Variants in INTS6 observed in about 807,000 individuals in gnomAD.
INTS6 encodes integrator complex subunit 6.
INTS6 carries 16 observed loss-of-function variants against 104.9 expected under a neutral mutation model. The observed-to-expected ratio is 0.15, with a 90% CI of 0.10 to 0.23. The LOEUF (loss-of-function observed/expected upper bound fraction) is 0.23, where lower values mean the gene tolerates loss of function less well. Ranked by LOEUF, INTS6 falls within the 10% of genes least tolerant of loss-of-function variation. INTS6 has a pLI of 1.00. For synonymous variants in INTS6, 324 were observed against 358.7 expected, an observed-to-expected ratio of 0.90 and a Z score of 1.09; for missense variants, 584 against 1,062.8, an observed-to-expected ratio of 0.55 and a Z score of 6.26.
downstream of INTS6, among the ~76,000 whole-genome samples, chr13:51,359,883 C>T (rs1955536964): frequency 6.6e-6 from 1 of 151,872 alleles, no homozygotes; most frequent in Non-Finnish European, 1.5e-5. Context: ...TCTTAAAGAC[C>T]CTAGAGAAAA....
At chr13:51,342,840 G>A in the INTS6 span, among the ~76,000 whole-genome samples, 1 of 152,148 alleles carries the variant, frequency 6.6e-6, no homozygotes, top group African/African-American at 2.4e-5. Context: ...CTGATTATAA[G>A]TATGTTTTTA....
intron 5 of INTS6, among the ~76,000 whole-genome samples, chr13:51,391,913 C>T (rs1956251764): frequency 3.3e-5 from 5 of 152,156 alleles, no homozygotes; most frequent in East Asian, 1.9e-4. Context: ...ATCATCCTTG[C>T]ACCTCCCCTA....
chr13:51,376,235 A>C, intron 12 of INTS6, 61 bp from the exon 13 acceptor site: 1 of 1,361,012 alleles, frequency 7.3e-7, no homozygotes, highest in South Asian at 1.5e-5. Flanking sequence ...AGAGACTAAA[A>C]TCTCTAGCCT....
At position 51,410,892 on chromosome 13, in the gene INTS6, C is replaced by T. The variant is rs990893136; in HGVS notation, c.430-15409G>A. On this transcript the variant is annotated intron_variant, in intron 4 of 17. Coordinates refer to ENST00000311234, the MANE Select transcript of INTS6 (RefSeq NM_012141.3). ...AACAGCCAAGAGGTCAGGATGCTCACTTGACCAAAGAGATACAGATAGAAA... is the reference window on the plus strand; with the variant it reads ...AACAGCCAAGAGGTCAGGATGCTCATTTGACCAAAGAGATACAGATAGAAA... Among the ~76,000 whole-genome samples the T allele has an allele frequency of 4.6e-5, 7 of 152,098 alleles. No homozygotes were observed. In the East Asian group the frequency reaches 1.4e-3, roughly 29 times the overall value.
intron 5 of INTS6, among the ~76,000 whole-genome samples, chr13:51,390,314 CATT>C (rs1453304091): frequency 1.3e-5 from 2 of 151,684 alleles, no homozygotes; most frequent in Non-Finnish European, 2.9e-5. Context: ...TAAAACATCT[CATT>C]AGTAATTTTA....
At chr13:51,445,579 A>G (rs755814285) in intron 3 of INTS6, 1 of 152,236 alleles carries the variant, frequency 6.6e-6, no homozygotes. Flanking sequence ...CAATGGCTTC[A>G]TTATTGCCAA....
chr13:51,422,345 T>C (rs1200002971), intron 4 of INTS6, among the ~76,000 whole-genome samples: 2 of 152,168 alleles, frequency 1.3e-5, no homozygotes, highest in African/African-American at 4.8e-5. Context: ...TGGATCTCTT[T>C]ACCCAGAAAA....
chr13:51,441,147 C>T (rs1265939067), intron 3 of INTS6: 2 of 152,042 alleles, frequency 1.3e-5, no homozygotes, highest in African/African-American at 2.4e-5. Flanking sequence ...AGGGACTTTT[C>T]AATACAATAT....
chr13:51,347,041 G>A, the INTS6 span: 1 of 1,585,054 alleles, frequency 6.3e-7, no homozygotes. Context: ...GCCCCAGTGA[G>A]GGCCCTGGTG....
chr13:51,344,338 C>G, the INTS6 span: 1 of 1,613,952 alleles, frequency 6.2e-7, no homozygotes, highest in Non-Finnish European at 8.5e-7. Flanking sequence ...GGCCTGCAGC[C>G]TTTTTGTGCA....
intron 17 of INTS6, among the ~76,000 whole-genome samples, chr13:51,366,716 T>A (rs1000297886): frequency 6.6e-6 from 1 of 151,982 alleles, no homozygotes; most frequent in Non-Finnish European, 1.5e-5. Context: ...CTTATCTTGA[T>A]CCTGCAAACT....
At chr13:51,372,032 C>T (rs940716250) in intron 15 of INTS6, among the ~76,000 whole-genome samples, 1 of 152,184 alleles carries the variant, frequency 6.6e-6, no homozygotes, top group Admixed American at 6.5e-5. Context: ...ACCACCAGCA[C>T]TGAAACATGC....
chr13:51,361,675 C>T lies in INTS6; in HGVS notation c.*4077G>A. ...TCTCTTTAATTTTCCCATCTGCACC[C>T]CCATCACAACAGTAAACAATCAAAT... On this transcript the variant is annotated 3_prime_UTR_variant, in exon 18 of 18. Transcript: ENST00000311234. The T allele has an allele frequency of 1.3e-6, 1 of 743,998 alleles. No homozygotes were observed. Among genetic ancestry groups the T allele is most frequent in the South Asian group, 2.1e-5 (1 of 48,770 alleles). 46.1% of individuals were successfully genotyped at this position (743,998 alleles called of 1,614,324 possible).
At chr13:51,345,524 G>A in the INTS6 span, among the ~76,000 whole-genome samples, 6 of 150,046 alleles carry the variant, frequency 4.0e-5, no homozygotes, top group Non-Finnish European at 8.9e-5. Context: ...GAACCCAGGA[G>A]GCAGAGGTTG....
At chr13:51,386,407 T>C (rs547149524) in intron 7 of INTS6, among the ~76,000 whole-genome samples, 1 of 152,238 alleles carries the variant, frequency 6.6e-6, no homozygotes, top group East Asian at 1.9e-4. Context: ...ACCAAAGAAA[T>C]TGGAAGTTTC....
At chr13:51,353,756 T>A (rs1955436165), downstream of INTS6, among the ~76,000 whole-genome samples, 1 of 152,206 alleles carries the variant, frequency 6.6e-6, no homozygotes, top group Admixed American at 6.5e-5. Context: ...AAAGTATGAG[T>A]CATACTGTCT....
At chr13:51,422,907 T>C (rs1956921229) in intron 4 of INTS6, 2 of 368,028 alleles carry the variant, frequency 5.4e-6, no homozygotes, top group African/African-American at 2.2e-5. Flanking sequence ...TCCTGATATG[T>C]CATGGCTCAA....
chr13:51,380,550 C>T (rs1023643639), intron 10 of INTS6, among the ~76,000 whole-genome samples: 1 of 152,096 alleles, frequency 6.6e-6, no homozygotes, highest in Non-Finnish European at 1.5e-5. Context: ...ACTTGCCAGG[C>T]ACTGTGTGCT....
chr13:51,398,499 T>C (rs1956379560), intron 4 of INTS6, among the ~76,000 whole-genome samples: 3 of 152,112 alleles, frequency 2.0e-5, no homozygotes, highest in South Asian at 4.1e-4. Flanking sequence ...AATTAAAATA[T>C]TGATATCATT....
Sources: allele counts gnomAD v4.1 joint callset (sites outside exome capture counted in the v4.1 genomes callset), GRCh38; gene constraint gnomAD v4.1.1; transcripts MANE v1.5; gene names NCBI Gene and HGNC (gene_info 2026-07-23, HGNC 2026-07-21).